KCNJ3: variants seen among roughly 807,000 people sequenced by gnomAD.
KCNJ3 encodes G protein-activated inward rectifier potassium channel 1.
A neutral mutation model predicts 39.2 loss-of-function variants in KCNJ3; 4 were observed. The observed-to-expected ratio is 0.10, with a 90% CI of 0.05 to 0.23. The LOEUF (loss-of-function observed/expected upper bound fraction) is 0.23. Ranked by LOEUF, KCNJ3 falls within the 10% of genes least tolerant of loss-of-function variation. KCNJ3 has a pLI of 1.00. For synonymous variants in KCNJ3, 230 were observed against 237.4 expected, an observed-to-expected ratio of 0.97 and a Z score of 0.29; for missense variants, 276 against 634.9, an observed-to-expected ratio of 0.43 and a Z score of 6.08.
intron 2 of KCNJ3, among the ~76,000 whole-genome samples, chr2:154,777,023 A>G (rs1413581648): frequency 6.7e-6 from 1 of 148,412 alleles, no homozygotes; most frequent in African/African-American, 2.5e-5. Context: ...CTCTCCAACC[A>G]GTTTTCACAC....
At chr2:154,776,055 G>A (rs544022381) in intron 2 of KCNJ3, among the ~76,000 whole-genome samples, 2 of 150,758 alleles carry the variant, frequency 1.3e-5, no homozygotes, top group South Asian at 4.2e-4. Context: ...AGGCTGGAGT[G>A]TAGTGGTGCA....
At chr2:154,725,765 C>T (rs868844476) in intron 2 of KCNJ3, among the ~76,000 whole-genome samples, 11 of 151,986 alleles carry the variant, frequency 7.2e-5, no homozygotes, top group Admixed American at 2.0e-4. Context: ...GCACATAGAC[C>T]AATGGAACAG....
At chr2:154,818,456 T>C (rs1687116973) in intron 2 of KCNJ3, among the ~76,000 whole-genome samples, 1 of 152,176 alleles carries the variant, frequency 6.6e-6, no homozygotes, top group South Asian at 2.1e-4. Flanking sequence ...TGAGACAGCA[T>C]CATTATTACT....
intron 2 of KCNJ3, among the ~76,000 whole-genome samples, chr2:154,739,832 G>T (rs1176367134): frequency 1.3e-5 from 2 of 151,978 alleles, no homozygotes; most frequent in African/African-American, 4.8e-5. Flanking sequence ...AATATGTTTT[G>T]ACAAATGTGC....
In KCNJ3 at chr2:154,855,195, T is replaced by A. The variant is rs1404679365; in HGVS notation, c.1388T>A (p.Met463Lys). The A allele has an allele frequency of 1.2e-6, 2 of 1,613,764 alleles. No individual in the cohort carries two copies. Among genetic ancestry groups the A allele is most frequent in the East Asian group, 2.2e-5 (1 of 44,824 alleles). Reference sequence around the variant, plus strand: ...ACCACCAAGATGTTATCTGATCCCATGAGCCAGTCTGTGGCTGATTTGCCA... The same window carrying A: ...ACCACCAAGATGTTATCTGATCCCAAGAGCCAGTCTGTGGCTGATTTGCCA... ...SKTTKMLSDP[M>K]SQSVADLPPK... is the part of the protein sequence containing the mutation. Residue 463 changes from methionine (M) to lysine (K), a missense_variant, in exon 3 of 3, where the codon ATG (methionine) becomes AAG (lysine). Physicochemically the swap from Met to Lys is moderately conservative, Grantham distance 95 (BLOSUM62 -1). Coordinates refer to ENST00000295101, the MANE Select transcript of KCNJ3 (RefSeq NM_002239.4).
At chr2:154,701,817 C>T (rs959219367) in intron 1 of KCNJ3, among the ~76,000 whole-genome samples, 22 of 152,148 alleles carry the variant, frequency 1.4e-4, no homozygotes, top group African/African-American at 4.8e-4. Context: ...AAATTCTCCC[C>T]ATGGCGAAGG....
chr2:154,806,744 A>G (rs1686917278), intron 2 of KCNJ3, among the ~76,000 whole-genome samples: 1 of 152,150 alleles, frequency 6.6e-6, no homozygotes, highest in African/African-American at 2.4e-5. Flanking sequence ...AACCTACACT[A>G]TTTACCTCAA....
chr2:154,719,716 G>A (rs1345039792), intron 2 of KCNJ3, among the ~76,000 whole-genome samples: 3 of 152,202 alleles, frequency 2.0e-5, no homozygotes, highest in Middle Eastern at 3.4e-3. Flanking sequence ...AATTTTACAC[G>A]GAGGCTAACA....
chr2:154,707,249 TG>T (rs990043077), intron 1 of KCNJ3, among the ~76,000 whole-genome samples: 7 of 150,148 alleles, frequency 4.7e-5, no homozygotes, highest in African/African-American at 1.7e-4. Context: ...GGTGGGAGGG[TG>T]GGGTAGGGTA....
intron 2 of KCNJ3, among the ~76,000 whole-genome samples, chr2:154,733,351 C>A (rs538253244): frequency 3.9e-5 from 6 of 152,186 alleles, no homozygotes; most frequent in Admixed American, 1.3e-4. Flanking sequence ...CACTGAGTTA[C>A]AATGAACATT....
At chr2:154,784,799 T>TTTAGTTAATTAACTAAGTTAATTAACAAG (rs1686499143) in intron 2 of KCNJ3, among the ~76,000 whole-genome samples, 1 of 152,214 alleles carries the variant, frequency 6.6e-6, no homozygotes, top group Admixed American at 6.5e-5. Flanking sequence ...GCTCTGCAAA[T>TTTAGTTAATTAACTAAGTTAATTAACAAG]TTAGTTAATT....
intron 2 of KCNJ3, among the ~76,000 whole-genome samples, chr2:154,839,123 T>C (rs1687530407): frequency 6.6e-6 from 1 of 152,038 alleles, no homozygotes; most frequent in Non-Finnish European, 1.5e-5. Flanking sequence ...TAGGCCCTGG[T>C]GTGTGATGTT....
chr2:154,745,384 C>G (rs1685723919), intron 2 of KCNJ3, among the ~76,000 whole-genome samples: 1 of 151,950 alleles, frequency 6.6e-6, no homozygotes, highest in Non-Finnish European at 1.5e-5. Context: ...TTTTATTTCA[C>G]ACATTTTTAA....
At chr2:154,742,328 G>T (rs1238090615) in intron 2 of KCNJ3, among the ~76,000 whole-genome samples, 1 of 151,804 alleles carries the variant, frequency 6.6e-6, no homozygotes. Context: ...GAATACTGCT[G>T]TAGTGAACAT....
At chr2:154,811,299 G>A (rs768517484) in intron 2 of KCNJ3, among the ~76,000 whole-genome samples, 7 of 152,052 alleles carry the variant, frequency 4.6e-5, no homozygotes, top group Admixed American at 3.3e-4. Flanking sequence ...TAGGAGGGTG[G>A]TGGCTCAAAA....
At chr2:154,817,716 A>G (rs563435810) in intron 2 of KCNJ3, among the ~76,000 whole-genome samples, 6 of 152,264 alleles carry the variant, frequency 3.9e-5, no homozygotes, top group African/African-American at 1.4e-4. Context: ...CCCCCAGGAT[A>G]ACTTTCCCTG....
chr2:154,789,993 CCATCAAGTCTTATTAAGAGGCAGTTT>C (rs1447748583), intron 2 of KCNJ3, among the ~76,000 whole-genome samples: 1 of 151,950 alleles, frequency 6.6e-6, no homozygotes, highest in Non-Finnish European at 1.5e-5. Flanking sequence ...AAATCAAGTT[CCATCAAGTCTTATTAAGAGGCAGTTT>C]CATTCCCTAT....
intron 2 of KCNJ3, among the ~76,000 whole-genome samples, chr2:154,757,595 T>G (rs1008109679): frequency 3.3e-5 from 5 of 152,218 alleles, no homozygotes; most frequent in Non-Finnish European, 5.9e-5. Context: ...CTTTATTTTG[T>G]AAATTTGTTT....
intron 2 of KCNJ3, among the ~76,000 whole-genome samples, chr2:154,815,303 A>T (rs774895129): frequency 2.6e-4 from 39 of 152,192 alleles, no homozygotes; most frequent in Non-Finnish European, 4.3e-4. Flanking sequence ...AGGTATAGAC[A>T]ATACTCAGGA....
Sources: gnomAD v4.1 joint callset for allele counts (sites outside exome capture counted in the v4.1 genomes callset) on GRCh38, gnomAD v4.1.1 for gene constraint, MANE v1.5 for transcripts, NCBI Gene and HGNC (gene_info 2026-07-23, HGNC 2026-07-21) for gene names.